Variants in CHD7 observed in about 807,000 individuals in gnomAD.
The protein encoded by CHD7 is ATP-dependent chromatin remodeler CHD7.
Under a neutral mutation model 307.3 loss-of-function variants are expected in CHD7, and 24 were observed. That is an observed-to-expected ratio of 0.08 (90% CI 0.06 to 0.11). The LOEUF (loss-of-function observed/expected upper bound fraction) is 0.11, where lower values mean the gene tolerates loss of function less well. Among genes scored for constraint, CHD7 ranks in the 10% least tolerant of loss-of-function variants. CHD7 has a pLI of 1.00. For synonymous variants in CHD7, 1,363 were observed against 1,349.9 expected, an observed-to-expected ratio of 1.01 and a Z score of -0.21; for missense variants, 3,106 against 3,727.1, an observed-to-expected ratio of 0.83 and a Z score of 4.34.
At chr8:60,755,955 T>C (rs1346739471) in intron 2 of CHD7, among the ~76,000 whole-genome samples, 1 of 152,240 alleles carries the variant, frequency 6.6e-6, no homozygotes. Context: ...TCTGTCATGA[T>C]GAAAATGTTC....
At chr8:60,728,258 T>C (rs763348507) in intron 1 of CHD7, among the ~76,000 whole-genome samples, 8 of 152,214 alleles carry the variant, frequency 5.3e-5, no homozygotes, top group Non-Finnish European at 1.0e-4. Flanking sequence ...GCTGAAAAGG[T>C]GTCATCAGTG....
At chr8:60,848,858 T>C (rs1234787736) in intron 24 of CHD7, among the ~76,000 whole-genome samples, 193 bp from the exon 25 acceptor site, 1 of 152,178 alleles carries the variant, frequency 6.6e-6, no homozygotes, top group Non-Finnish European at 1.5e-5. Flanking sequence ...TAAAATGGGA[T>C]ACCATGTGAT....
intron 1 of CHD7, among the ~76,000 whole-genome samples, chr8:60,722,853 C>T (rs1807979576): frequency 6.6e-6 from 1 of 152,184 alleles, no homozygotes; most frequent in Non-Finnish European, 1.5e-5. Flanking sequence ...GGAATTTTTG[C>T]ATAGCCTTCT....
rs775704728 is a variant in CHD7 at position 60,861,105 on chromosome 8, G to T, written c.7810G>T (p.Asp2604Tyr). ...WLKLHPTYTV[D>Y]MPSYVPKNAD... ...GAAGCTGCACCCTACTTACACTGTTGATATGCCAAGTTATGTACCAGTGAG... is the reference window on the plus strand; with the variant it reads ...GAAGCTGCACCCTACTTACACTGTTTATATGCCAAGTTATGTACCAGTGAG... The change falls in exon 35 of 38, where the codon GAT (aspartate) becomes TAT (tyrosine). Residue 2604 changes from aspartate to tyrosine, a missense_variant. Asp to Tyr is a radical substitution (Grantham distance 160). Around this residue, in one of 10 missense-constraint regions of CHD7, gnomAD observed 1,030 missense variants for 1,165.4 expected, o/e 0.88. Coordinates refer to ENST00000423902, the MANE Select transcript of CHD7 (RefSeq NM_017780.4). 1.3e-6 allele frequency: 2 copies of T among 1,595,160 alleles called. No individual in the cohort carries two copies. The highest frequency in any genetic ancestry group is 2.3e-5 in the South Asian group (2 of 88,418).
At chr8:60,770,085 T>C (rs1054816634) in intron 2 of CHD7, among the ~76,000 whole-genome samples, 4 of 152,214 alleles carry the variant, frequency 2.6e-5, no homozygotes, top group Non-Finnish European at 5.9e-5. Flanking sequence ...AATGAGTACA[T>C]CTCAGGAAAG....
chr8:60,781,004 C>A lies in CHD7; in HGVS notation c.1670C>A (p.Ser557Tyr). ...TPQKVPVHQH[S>Y]PSEPFLEKPV... Reference sequence around the variant, plus strand: ...ATTCCTATTTGTGTCTCTCAGCATTCCCCGTCGGAGCCCTTTCTAGAGAAA... The same window carrying A: ...ATTCCTATTTGTGTCTCTCAGCATTACCCGTCGGAGCCCTTTCTAGAGAAA... Residue 557 changes from serine to tyrosine, a missense_variant, in exon 3 of 38, where the codon TCC becomes TAC. Physicochemically the swap from Ser to Tyr is moderately radical, Grantham distance 144. Transcript: ENST00000423902. The A allele has an allele frequency of 1.3e-6, 2 of 1,549,548 alleles. No individual in the cohort carries two copies. Among genetic ancestry groups the A allele is most frequent in the Non-Finnish European group, 8.7e-7 (1 of 1,153,786 alleles).
At chr8:60,713,414 A>AT (rs5891775) in intron 1 of CHD7, among the ~76,000 whole-genome samples, 4 of 150,918 alleles carry the variant, frequency 2.7e-5, no homozygotes, top group African/African-American at 4.9e-5. Context: ...CCGGCCAGAA[A>AT]TTTTTTTTTT....
At chr8:60,789,766 C>T (rs1339172380) in intron 3 of CHD7, among the ~76,000 whole-genome samples, 1 of 152,248 alleles carries the variant, frequency 6.6e-6, no homozygotes, top group African/African-American at 2.4e-5. Context: ...CATCCAACCC[C>T]ATTTCAGGTA....
Position 60,822,869 on chromosome 8 carries a change from A to G in CHD7, c.3201+123A>G. The stretch of plus-strand genomic sequence containing the variant: ...TGCCAAATTGAGAAATTTGCTTTAG[A>G]TATCTGACTCAATTTACATTTGTAT... On this transcript the variant is annotated intron_variant, in intron 12 of 37. Transcript: ENST00000423902. 3 of 715,860 alleles carry G rather than the reference A, an allele frequency of 4.2e-6. 1 individual carries two copies. The highest frequency in any genetic ancestry group is 6.6e-6 in the Non-Finnish European group (3 of 456,724). The allele number at this position is 715,860 out of a possible 1,614,324, so 44.3% of individuals were successfully genotyped here.
At chr8:60,851,360 A>G in intron 28 of CHD7, 41 bp downstream of exon 28, 1 of 1,450,524 alleles carries the variant, frequency 6.9e-7, no homozygotes, top group Non-Finnish European at 9.5e-7. Flanking sequence ...GCAGACGTGC[A>G]CTGAGCAGTC....
chr8:60,838,288 A>G (rs1197823325), intron 19 of CHD7, 33 bp downstream of exon 19: 3 of 1,576,220 alleles, frequency 1.9e-6, no homozygotes, highest in African/African-American at 1.3e-5. Flanking sequence ...CAGGTTTTCC[A>G]TAGAAGCATG....
At chr8:60,733,789 T>A (rs935492626) in intron 1 of CHD7, among the ~76,000 whole-genome samples, 4 of 141,002 alleles carry the variant, frequency 2.8e-5, no homozygotes, top group African/African-American at 8.6e-5. Flanking sequence ...TTTTTTTTTT[T>A]ATCATAAAGG....
At chr8:60,811,021 G>A (rs1337267174) in intron 7 of CHD7, among the ~76,000 whole-genome samples, 1 of 152,168 alleles carries the variant, frequency 6.6e-6, no homozygotes, top group African/African-American at 2.4e-5. Flanking sequence ...CTCCTTATGA[G>A]AATCTAACTA....
chr8:60,865,852 AG>A lies in CHD7; in HGVS notation c.8914del (p.Glu2972LysfsTer4). 6.2e-7 allele frequency: 1 copy of A among 1,613,138 alleles called. No homozygotes were observed. Among genetic ancestry groups the A allele is most frequent in the Non-Finnish European group, 8.5e-7 (1 of 1,179,526 alleles). On this transcript the variant is annotated frameshift_variant, in exon 38 of 38. Transcript: ENST00000423902. LOFTEE classifies it high-confidence loss of function. The surrounding 1 kb of genome is among the most constrained non-coding windows in gnomAD (Gnocchi z 4.3). ...LDKTAESSLL[E>X]DEIAQGEELD... is the part of the protein sequence containing the mutation. ...ATAAGACTGCAGAGTCCTCCCTCTT[AG>A]AAGACGAAATAGCACAGGGTGAAGA... is the stretch of plus-strand genomic sequence containing the variant.
At chr8:60,681,697 A>AT (rs1415051348) in intron 1 of CHD7, among the ~76,000 whole-genome samples, 2 of 152,128 alleles carry the variant, frequency 1.3e-5, no homozygotes. Context: ...GACATAATGG[A>AT]TTTTTGTCAG....
chr8:60,837,233 A>G (rs535395664), intron 17 of CHD7, among the ~76,000 whole-genome samples: 1 of 152,350 alleles, frequency 6.6e-6, no homozygotes, highest in South Asian at 2.1e-4. Context: ...TTATTGGCAC[A>G]TAGATAGGGT....
intron 1 of CHD7, among the ~76,000 whole-genome samples, chr8:60,730,599 G>A (rs551021946): frequency 1.3e-5 from 2 of 152,284 alleles, no homozygotes; most frequent in Admixed American, 6.5e-5. Flanking sequence ...GGTGGCTCAC[G>A]CCTGTAATCC....
At chr8:60,855,701 A>G (rs571291826) in intron 32 of CHD7, among the ~76,000 whole-genome samples, 1 of 152,216 alleles carries the variant, frequency 6.6e-6, no homozygotes, top group Non-Finnish European at 1.5e-5. Flanking sequence ...TATGTAGTAC[A>G]TTTTTCTGTT....
chr8:60,710,383 C>T (rs532807411), intron 1 of CHD7, among the ~76,000 whole-genome samples: 7 of 152,194 alleles, frequency 4.6e-5, no homozygotes, highest in African/African-American at 1.7e-4. Flanking sequence ...TGTACGGTGT[C>T]GATTCACTCA....
Sources: gnomAD v4.1 joint callset for allele counts (sites outside exome capture counted in the v4.1 genomes callset) on GRCh38, gnomAD v4.1.1 for gene constraint, gnomAD v4.1.1 regional missense constraint, Gnocchi (gnomAD v3.1) non-coding constraint, MANE v1.5 for transcripts, NCBI Gene and HGNC (gene_info 2026-07-23, HGNC 2026-07-21) for gene names.